Variants in RYR3 observed in about 807,000 individuals in gnomAD.
RYR3 encodes brain ryanodine receptor-calcium release channel.
In RYR3, 207 loss-of-function variants were observed where a neutral mutation model predicts 584.3. The ratio of observed to expected loss-of-function variants is 0.35; its 90% CI spans 0.32 to 0.40. The LOEUF (loss-of-function observed/expected upper bound fraction) is 0.40. Ranked by LOEUF, RYR3 falls within the 10% of genes least tolerant of loss-of-function variation. The pLI, the probability that RYR3 is intolerant of heterozygous loss-of-function variation, is 1.00. For missense variants in RYR3, 5,616 were observed against 6,089.2 expected, an observed-to-expected ratio of 0.92 and a Z score of 2.59; for synonymous variants, 2,416 against 2,248.5, an observed-to-expected ratio of 1.07 and a Z score of -2.11.
intron 1 of RYR3, among the ~76,000 whole-genome samples, chr15:33,359,688 G>A (rs866998100): frequency 2.0e-5 from 3 of 151,608 alleles, no homozygotes; most frequent in South Asian, 4.2e-4. Context: ...GCGCGATCTC[G>A]GCTCACTGCA....
chr15:33,526,900 A>G (rs889853252), intron 3 of RYR3, among the ~76,000 whole-genome samples: 1 of 152,234 alleles, frequency 6.6e-6, no homozygotes, highest in African/African-American at 2.4e-5. Context: ...ACTTGACCAG[A>G]GAAGAATTCT....
At chr15:33,555,975 G>A (rs2057040901) in intron 10 of RYR3, among the ~76,000 whole-genome samples, 1 of 152,130 alleles carries the variant, frequency 6.6e-6, no homozygotes, top group Non-Finnish European at 1.5e-5. Flanking sequence ...AAGTCTTAAG[G>A]GGGCTGTATT....
chr15:33,527,804 C>T (rs1021405520), intron 3 of RYR3, among the ~76,000 whole-genome samples: 2 of 152,162 alleles, frequency 1.3e-5, no homozygotes, highest in East Asian at 1.9e-4. Flanking sequence ...CTCTGGCTGC[C>T]GTGACTGAAA....
intron 38 of RYR3, among the ~76,000 whole-genome samples, chr15:33,694,055 G>A (rs2065645298): frequency 6.6e-6 from 1 of 152,088 alleles, no homozygotes; most frequent in Non-Finnish European, 1.5e-5. Flanking sequence ...TTTTGTCAAG[G>A]ACCAGCAGAG....
chr15:33,406,360 A>C (rs2141430026), intron 1 of RYR3, among the ~76,000 whole-genome samples: 1 of 152,064 alleles, frequency 6.6e-6, no homozygotes, highest in Non-Finnish European at 1.5e-5. Flanking sequence ...CACAGTTTTC[A>C]TTTCCCCTCT....
chr15:33,862,610 C>G (rs1416777861), intron 102 of RYR3, among the ~76,000 whole-genome samples: 1 of 152,104 alleles, frequency 6.6e-6, no homozygotes. Context: ...AAGTCAAAAA[C>G]ATGAGTTTTG....
intron 46 of RYR3, 68 bp downstream of exon 46, chr15:33,726,574 T>C: frequency 1.4e-6 from 2 of 1,471,352 alleles, no homozygotes; most frequent in Non-Finnish European, 1.8e-6. Context: ...CAGGACTCTG[T>C]CCCCAGCACA....
chr15:33,484,867 A>C (rs2050275612), intron 2 of RYR3, among the ~76,000 whole-genome samples: 1 of 152,190 alleles, frequency 6.6e-6, no homozygotes, highest in Non-Finnish European at 1.5e-5. Flanking sequence ...AGGCATCTGT[A>C]TATATGACTT....
chr15:33,566,856 AC>A, intron 12 of RYR3, 57 bp downstream of exon 12: 2 of 1,569,874 alleles, frequency 1.3e-6, no homozygotes, highest in Non-Finnish European at 1.8e-6. Flanking sequence ...GCCTGCCAAC[AC>A]CACCACCCAC....
rs780471989 is a variant in RYR3 at position 33,819,706 on chromosome 15, A to AT, written c.10707-49dup. The AT allele has an allele frequency of 6.3e-6, 6 of 949,450 alleles. No homozygotes were observed. The African/African-American group carries it at 1.1e-4, about 17-fold the overall frequency. The allele number at this position is 949,450 out of a possible 1,614,324, so 58.8% of individuals were successfully genotyped here. ...AATAAATAAATAAATAAATAAATAA[A>AT]TAAATAAATAAATAAAAAGCCTGCT... On this transcript the variant is annotated intron_variant, in intron 76 of 103. Coordinates refer to ENST00000634891, the MANE Select transcript of RYR3 (RefSeq NM_001036.6).
At chr15:33,590,589 C>A (rs183909436) in intron 16 of RYR3, among the ~76,000 whole-genome samples, 1 of 148,950 alleles carries the variant, frequency 6.7e-6, no homozygotes. Flanking sequence ...ATCAGTGTTT[C>A]GTAATTTTTT....
chr15:33,531,097 C>T (rs569642719), intron 4 of RYR3, among the ~76,000 whole-genome samples: 8 of 152,180 alleles, frequency 5.3e-5, no homozygotes, highest in South Asian at 2.1e-4. Context: ...TGACAGTTCT[C>T]CTCCTTTACC....
chr15:33,499,307 C>G, intron 2 of RYR3, among the ~76,000 whole-genome samples: 1 of 151,624 alleles, frequency 6.6e-6, no homozygotes, highest in South Asian at 2.1e-4. Flanking sequence ...CCTCCTCCCC[C>G]TCCTCCCTCC....
At chr15:33,751,025 G>A (rs1031924062) in intron 57 of RYR3, among the ~76,000 whole-genome samples, 1 of 152,120 alleles carries the variant, frequency 6.6e-6, no homozygotes, top group Non-Finnish European at 1.5e-5. Context: ...GAGAATGATG[G>A]TTTCCAGCAT....
chr15:33,808,243 G>A (rs1402953202), intron 70 of RYR3, among the ~76,000 whole-genome samples: 1 of 152,186 alleles, frequency 6.6e-6, no homozygotes, highest in East Asian at 1.9e-4. Context: ...TAGCTCAGAG[G>A]CTTACTTGCT....
chr15:33,569,614 A>C (rs1283215391), intron 12 of RYR3, among the ~76,000 whole-genome samples: 1 of 152,172 alleles, frequency 6.6e-6, no homozygotes, highest in African/African-American at 2.4e-5. Context: ...TTCTATATAA[A>C]TACCATGTTT....
intron 21 of RYR3, among the ~76,000 whole-genome samples, chr15:33,629,636 A>G (rs1286596526): frequency 6.6e-6 from 1 of 152,236 alleles, no homozygotes; most frequent in African/African-American, 2.4e-5. Context: ...CGTTATGGTT[A>G]CATGAATTTT....
At chr15:33,550,592 A>G (rs551855248) in intron 10 of RYR3, among the ~76,000 whole-genome samples, 38 of 152,348 alleles carry the variant, frequency 2.5e-4, no homozygotes, top group African/African-American at 8.2e-4. Flanking sequence ...CTCAAAGGCT[A>G]ACGGAAACTA....
intron 57 of RYR3, among the ~76,000 whole-genome samples, chr15:33,751,565 C>T (rs2071312073): frequency 7.1e-6 from 1 of 139,890 alleles, no homozygotes; most frequent in African/African-American, 2.7e-5. Context: ...AGCCTTCACC[C>T]AGTTTTTGAT....
Sources: allele counts gnomAD v4.1 joint callset (sites outside exome capture counted in the v4.1 genomes callset), GRCh38; gene constraint gnomAD v4.1.1; transcripts MANE v1.5; gene names NCBI Gene and HGNC (gene_info 2026-07-23, HGNC 2026-07-21).